Variants in AGO3 observed in about 807,000 individuals in gnomAD.
AGO3 encodes the protein argonaute RISC catalytic component 3.
In AGO3, 16 loss-of-function variants were observed where a neutral mutation model predicts 105.5. The observed-to-expected ratio is 0.15, with a 90% CI of 0.10 to 0.23. The LOEUF is 0.23. Ranked by LOEUF, AGO3 falls within the 10% of genes least tolerant of loss-of-function variation. The probability of loss-of-function intolerance (pLI) is 1.00; values close to 1 mark genes in which losing one functional copy is unlikely to be tolerated. For missense variants in AGO3, 534 were observed against 1,088.0 expected (o/e 0.49, Z 7.16); for synonymous variants, 340 against 367.3 (o/e 0.93, Z 0.85).
chr1:35,983,747 C>CT (rs1208939712), intron 5 of AGO3, among the ~76,000 whole-genome samples: 2 of 152,152 alleles, frequency 1.3e-5, no homozygotes, highest in African/African-American at 2.4e-5. Context: ...AGTACTGACT[C>CT]TGAGTTTTCT....
intron 11 of AGO3, among the ~76,000 whole-genome samples, chr1:36,018,624 G>A (rs1641038394): frequency 6.6e-6 from 1 of 151,796 alleles, no homozygotes; most frequent in Admixed American, 6.6e-5. Flanking sequence ...GTAGAGATGG[G>A]GTTTCACCAT....
At chr1:35,980,109 A>T (rs1251951399) in intron 5 of AGO3, among the ~76,000 whole-genome samples, 1 of 152,198 alleles carries the variant, frequency 6.6e-6, no homozygotes, top group African/African-American at 2.4e-5. Context: ...TTATACCTTC[A>T]TATGATACCT....
At chr1:36,005,765 C>T in intron 6 of AGO3, 9 of 985,376 alleles carry the variant, frequency 9.1e-6, no homozygotes, top group Non-Finnish European at 1.1e-5. Context: ...GCCCGAAGAG[C>T]ATGGACTCGA....
At chr1:36,028,680 A>G (rs1272441586) in intron 12 of AGO3, among the ~76,000 whole-genome samples, 1 of 151,548 alleles carries the variant, frequency 6.6e-6, no homozygotes, top group Non-Finnish European at 1.5e-5. Context: ...AGTCTTTGCT[A>G]TTGTGAATAA....
At chr1:36,043,382 A>G in intron 16 of AGO3, 65 bp from the exon 17 acceptor site, 1 of 1,298,854 alleles carries the variant, frequency 7.7e-7, no homozygotes. Context: ...TACATTTTTT[A>G]AAGTGCTTTC....
At chr1:35,992,670 GA>G (rs1281184405) in intron 5 of AGO3, among the ~76,000 whole-genome samples, 1 of 152,140 alleles carries the variant, frequency 6.6e-6, no homozygotes, top group Non-Finnish European at 1.5e-5. Flanking sequence ...ACCCATAAAG[GA>G]ATCTGTGACA....
Position 36,008,666 on chromosome 1 carries a change from C to T in AGO3, c.794-24C>T, listed in dbSNP as rs1640443189. The T allele has an allele frequency of 6.2e-7, 1 of 1,608,846 alleles. No individual in the cohort carries two copies. On this transcript the variant is annotated intron_variant, in intron 6 of 18. Coordinates refer to ENST00000373191, the MANE Select transcript of AGO3 (RefSeq NM_024852.4). This position sits in a 1 kb window ranked among gnomAD's most constrained non-coding sequence, Gnocchi z 5.1. ...ATTTTACATGTGACAGTTCTGTAAC[C>T]TCCATTTTTCTTGTTGGGAACAGGT...
intron 11 of AGO3, among the ~76,000 whole-genome samples, chr1:36,024,202 A>G (rs529622752): frequency 1.3e-5 from 2 of 148,522 alleles, no homozygotes; most frequent in African/African-American, 5.0e-5. Context: ...GCAGTGATAC[A>G]ATCACAACTC....
rs961890292 is a variant in AGO3, at chr1:36,065,231, G to A, written c.*9486G>A. The A allele has an allele frequency of 1.3e-5, 2 of 151,706 alleles. No individual in the cohort carries two copies. Among genetic ancestry groups the A allele is most frequent in the African/African-American group, 2.4e-5 (1 of 41,292 alleles). 9.4% of individuals were successfully genotyped at this position (151,706 alleles called of 1,614,324 possible). ...GTCCCCTTTTAAGGATATTTATTGC[G>A]CTTATAACCTTAATAGTTGTATTCA... On this transcript the variant is annotated 3_prime_UTR_variant, in exon 19 of 19. Transcript: ENST00000373191.
At chr1:36,003,991 T>C (rs1640228404) in intron 5 of AGO3, 1 of 157,852 alleles carries the variant, frequency 6.3e-6, no homozygotes, top group African/African-American at 2.4e-5. Flanking sequence ...CTTGTTTCTA[T>C]TAAAAAAAGA....
intron 5 of AGO3, among the ~76,000 whole-genome samples, chr1:35,990,370 T>A (rs1304827054): frequency 6.6e-6 from 1 of 152,074 alleles, no homozygotes; most frequent in Non-Finnish European, 1.5e-5. Context: ...TAGCTGGGCG[T>A]GGTGGCAGGC....
At position 36,008,912 on chromosome 1, in the gene AGO3, A is replaced by G; in HGVS notation, c.897A>G (p.Leu299=). Residue 299 remains leucine, a synonymous_variant, in exon 8 of 19, where the codon TTA becomes TTG. Transcript: ENST00000373191. The surrounding 1 kb of genome is among the most constrained non-coding windows in gnomAD (Gnocchi z 5.1). ...TTTTCCTCAGCTTTCCTTTACAGTTAGAAAACGGCCAAACTGTGGAGAGAA... is the reference window on the plus strand; with the variant it reads ...TTTTCCTCAGCTTTCCTTTACAGTTGGAAAACGGCCAAACTGTGGAGAGAA... ...PASHQTFPLQ[L]ENGQTVERTV... 2.5e-6 allele frequency: 4 copies of G among 1,613,926 alleles called. No homozygotes were observed. The highest frequency in any genetic ancestry group is 3.4e-6 in the Non-Finnish European group (4 of 1,180,034).
In AGO3 at chr1:35,962,270, G is replaced by A. The variant is rs1052292464; in HGVS notation, c.192-4685G>A. 3.3e-5 allele frequency among the ~76,000 whole-genome samples: 5 copies of A among 152,208 alleles called. No homozygotes were observed. The South Asian group carries it at 6.2e-4, about 19-fold the overall frequency. ...TGAAAACATACGTTACTGGCCAGGC[G>A]CCGTGGCTCACACCTGTAATCCCAG... On this transcript the variant is annotated intron_variant, in intron 2 of 18. Transcript: ENST00000373191.
At position 36,009,661 on chromosome 1, in the gene AGO3, A is replaced by T; in HGVS notation, c.1149+67A>T. ...GGGTGAACTGTAATACTAGAGAACC[A>T]TGTCCTTATCAACCCATACCTTATG... is the stretch of plus-strand genomic sequence containing the variant. On this transcript the variant is annotated intron_variant, in intron 9 of 18. Coordinates refer to ENST00000373191, the MANE Select transcript of AGO3 (RefSeq NM_024852.4). The T allele has an allele frequency of 3.3e-6, 5 of 1,494,978 alleles. No individual in the cohort carries two copies. In the South Asian group the frequency reaches 6.4e-5, roughly 19 times the overall value. 92.6% of individuals were successfully genotyped at this position (1,494,978 alleles called of 1,614,324 possible).
At position 36,055,095 on chromosome 1, in the gene AGO3, C is replaced by T; in HGVS notation, c.2424C>T (p.His808=). 1 of 1,613,536 alleles carries T rather than the reference C, an allele frequency of 6.2e-7. No homozygotes were observed. The part of the protein sequence containing the change: ...VSIPAPAYYA[H]LVAFRARYHL... ...TACCTGCACCAGCGTATTATGCTCA[C>T]CTGGTAGCATTTAGAGCCAGATATC... The change falls in exon 18 of 19, where the codon CAC becomes CAT. Residue 808 remains histidine (H), a synonymous_variant. Transcript: ENST00000373191. The surrounding 1 kb of genome is among the most constrained non-coding windows in gnomAD (Gnocchi z 4.4).
chr1:36,029,061 A>G (rs1268115757), intron 12 of AGO3, among the ~76,000 whole-genome samples: 1 of 152,158 alleles, frequency 6.6e-6, no homozygotes, highest in Non-Finnish European at 1.5e-5. Flanking sequence ...TCCTTGATAT[A>G]TAGCACACAT....
At chr1:36,033,210 A>G (rs950120234) in intron 12 of AGO3, among the ~76,000 whole-genome samples, 2 of 151,578 alleles carry the variant, frequency 1.3e-5, no homozygotes, top group Non-Finnish European at 2.9e-5. Flanking sequence ...GGTGGTGCAC[A>G]CCTGTAATCC....
intron 17 of AGO3, among the ~76,000 whole-genome samples, chr1:36,045,414 A>T (rs1364253839): frequency 6.6e-6 from 1 of 151,050 alleles, no homozygotes; most frequent in African/African-American, 2.4e-5. Flanking sequence ...TAGAGATGGG[A>T]TTTCACCATG....
chr1:35,985,126 CA>C (rs972815932), intron 5 of AGO3, among the ~76,000 whole-genome samples: 2 of 151,658 alleles, frequency 1.3e-5, no homozygotes, highest in African/African-American at 4.8e-5. Context: ...TAAAAAAAGA[CA>C]AAAAAATTAG....
Sources: gnomAD v4.1 joint callset for allele counts (sites outside exome capture counted in the v4.1 genomes callset) on GRCh38, gnomAD v4.1.1 for gene constraint, Gnocchi (gnomAD v3.1) non-coding constraint, MANE v1.5 for transcripts, NCBI Gene and HGNC (gene_info 2026-07-23, HGNC 2026-07-21) for gene names.